Variants in LRRC40 observed in about 807,000 individuals in gnomAD.
LRRC40 encodes the protein leucine-rich repeat-containing protein 40.
A neutral mutation model predicts 72.8 loss-of-function variants in LRRC40; 76 were observed. The observed-to-expected ratio is 1.04, with a 90% confidence interval of 0.87 to 1.26. The LOEUF (loss-of-function observed/expected upper bound fraction) is 1.26. LRRC40 is among the 50% of genes most tolerant of loss of function. The pLI, the probability that LRRC40 is intolerant of heterozygous loss-of-function variation, is 0.00. For synonymous variants in LRRC40, 243 were observed against 254.2 expected, an observed-to-expected ratio of 0.96 and a Z score of 0.42; for missense variants, 684 against 698.9, an observed-to-expected ratio of 0.98 and a Z score of 0.24.
intron 6 of LRRC40, 58 bp downstream of exon 6, chr1:70,178,793 G>T: frequency 8.9e-7 from 1 of 1,122,060 alleles, no homozygotes; most frequent in Non-Finnish European, 1.2e-6. Flanking sequence ...CTTTAAAAAT[G>T]CATTTTAATA....
At chr1:70,151,266 A>G in intron 12 of LRRC40, 61 bp from the exon 13 acceptor site, 1 of 762,852 alleles carries the variant, frequency 1.3e-6, no homozygotes, top group Non-Finnish European at 2.3e-6. Flanking sequence ...AGTTTAATTT[A>G]TAATTAAAAT....
At chr1:70,203,866 C>G (rs938845692) in intron 1 of LRRC40, among the ~76,000 whole-genome samples, 5 of 149,818 alleles carry the variant, frequency 3.3e-5, no homozygotes, top group African/African-American at 1.2e-4. Context: ...TACATACAGC[C>G]AGACAGAGAA....
chr1:70,200,653 T>C (rs1272616692), intron 1 of LRRC40, among the ~76,000 whole-genome samples: 2 of 152,196 alleles, frequency 1.3e-5, no homozygotes, highest in African/African-American at 4.8e-5. Flanking sequence ...TCATTAATCT[T>C]TATTTCCTCT....
rs1667278798 is a variant in LRRC40 at position 70,145,997 on chromosome 1, T to C, written c.1704-92A>G. 46 of 626,410 alleles carry C rather than the reference T, an allele frequency of 7.3e-5. 3 individuals are homozygous for C. The South Asian group carries it at 1.0e-3, about 14-fold the overall frequency. The allele number at this position is 626,410 out of a possible 1,614,324, so 38.8% of individuals were successfully genotyped here. ...TTTGCAATTTTATAAATAAAATTTC[T>C]GTATTTTTTTTCTATTTGCCCCTTT... On this transcript the variant is annotated intron_variant, in intron 14 of 14. Coordinates refer to ENST00000370952, the MANE Select transcript of LRRC40 (RefSeq NM_017768.5).
At chr1:70,201,899 C>A (rs1668749001) in intron 1 of LRRC40, among the ~76,000 whole-genome samples, 2 of 152,126 alleles carry the variant, frequency 1.3e-5, no homozygotes, top group African/African-American at 4.8e-5. Context: ...ATTGCTTGAA[C>A]CTGGGAGGCA....
intron 4 of LRRC40, among the ~76,000 whole-genome samples, chr1:70,184,171 C>A (rs914279323): frequency 6.6e-6 from 1 of 151,962 alleles, no homozygotes; most frequent in Non-Finnish European, 1.5e-5. Context: ...ATCGCTTGAA[C>A]CTGGGAGGTG....
At chr1:70,151,298 T>G in intron 12 of LRRC40, 93 bp from the exon 13 acceptor site, 3 of 664,668 alleles carry the variant, frequency 4.5e-6, no homozygotes, top group Non-Finnish European at 8.2e-6. Context: ...AAAAAAAATA[T>G]GTAGATCAGT....
At chr1:70,146,597 C>T (rs992604050) in intron 14 of LRRC40, among the ~76,000 whole-genome samples, 1 of 152,018 alleles carries the variant, frequency 6.6e-6, no homozygotes, top group African/African-American at 2.4e-5. Context: ...TGATTTGAAC[C>T]ACCCTTTTAT....
Position 70,163,020 on chromosome 1 carries a change from T to C in LRRC40, c.1112-3582A>G, listed in dbSNP as rs181126327. On this transcript the variant is annotated intron_variant, in intron 9 of 14. Coordinates refer to ENST00000370952, the MANE Select transcript of LRRC40 (RefSeq NM_017768.5). ...GTTCACAAGTCTGCAATGGGTCTCA[T>C]TGGGCTAAAATCAGGGGTTTGGCAA... Among the ~76,000 whole-genome samples, 306 of 152,190 alleles carry C rather than the reference T, an allele frequency of 2.0e-3. 1 individual carries two copies. The highest frequency in any genetic ancestry group is 5.7e-3 in the African/African-American group (235 of 41,542).
chr1:70,199,215 T>TCACACACACACACACACA (rs3223615), intron 1 of LRRC40, among the ~76,000 whole-genome samples: 4 of 140,518 alleles, frequency 2.8e-5, no homozygotes, highest in East Asian at 2.1e-4. Context: ...ATACATAGTC[T>TCACACACACACACACACA]CACACACACA....
At chr1:70,202,926 T>C (rs1369387819) in intron 1 of LRRC40, among the ~76,000 whole-genome samples, 2 of 152,234 alleles carry the variant, frequency 1.3e-5, no homozygotes, top group Admixed American at 6.5e-5. Flanking sequence ...GATCTCACTC[T>C]CTTGCCCAAG....
intron 10 of LRRC40, among the ~76,000 whole-genome samples, chr1:70,157,561 A>G (rs1667666841): frequency 6.6e-6 from 1 of 152,214 alleles, no homozygotes; most frequent in Non-Finnish European, 1.5e-5. Context: ...GATTAAAAGC[A>G]ACAGCATATG....
intron 9 of LRRC40, among the ~76,000 whole-genome samples, chr1:70,161,306 G>A (rs992267668): frequency 2.0e-5 from 3 of 151,718 alleles, no homozygotes; most frequent in South Asian, 2.1e-4. Flanking sequence ...GGATGATCTC[G>A]ATCTCCTGAT....
intron 9 of LRRC40, among the ~76,000 whole-genome samples, chr1:70,164,630 G>A (rs1300934150): frequency 2.0e-5 from 3 of 152,056 alleles, no homozygotes; most frequent in Admixed American, 6.5e-5. Context: ...CATATCTCCC[G>A]CCAATAAACT....
In LRRC40 at chr1:70,173,508, T is replaced by C. The variant is rs1337566860; in HGVS notation, c.1068A>G (p.Lys356=). The C allele has an allele frequency of 3.1e-6, 5 of 1,607,748 alleles. No homozygotes were observed. Among genetic ancestry groups the C allele is most frequent in the Non-Finnish European group, 4.3e-6 (5 of 1,174,844 alleles). The change falls in exon 9 of 15, where the codon AAA becomes AAG. Residue 356 remains lysine, a splice_region_variant and synonymous_variant. Coordinates refer to ENST00000370952, the MANE Select transcript of LRRC40 (RefSeq NM_017768.5). ...LRTIRREIIS[K]GTQEVLKYLR... The stretch of plus-strand genomic sequence containing the variant: ...GATATTTTAGGACTTCTTGTGTTCC[T>C]TTCTAGAAGGGTGGAGACAAAGACA...
At position 70,155,778 on chromosome 1, in the gene LRRC40, C is replaced by A; in HGVS notation, c.1239G>T (p.Leu413Phe). 1 of 1,565,202 alleles carries A rather than the reference C, an allele frequency of 6.4e-7. No individual in the cohort carries two copies. The highest frequency in any genetic ancestry group is 1.2e-5 in the South Asian group (1 of 83,834). ...CTGCATCAAACACCTCATCAGGAAT[C>A]AAAGTTGCTTGTTTATCACTAAATG... ...ILDYSDKQAT[L>F]IPDEVFDAVK... Residue 413 changes from leucine (L) to phenylalanine (F), a missense_variant, in exon 11 of 15, where the codon TTG (leucine) becomes TTT (phenylalanine). Transcript: ENST00000370952.
chr1:70,176,323 G>C (rs1668102674), intron 6 of LRRC40, among the ~76,000 whole-genome samples: 3 of 152,006 alleles, frequency 2.0e-5, no homozygotes. Context: ...ACAAGTTCAG[G>C]AGTTTGAGAC....
intron 4 of LRRC40, among the ~76,000 whole-genome samples, chr1:70,182,612 TA>T (rs1466260145): frequency 6.6e-6 from 1 of 151,878 alleles, no homozygotes; most frequent in Non-Finnish European, 1.5e-5. Context: ...AAATTCTACA[TA>T]AAATTACTAA....
In LRRC40 at chr1:70,175,921, T is replaced by C; in HGVS notation, c.866A>G (p.Asn289Ser). The change falls in exon 7 of 15, where the codon AAT becomes AGT. Residue 289 changes from asparagine to serine, a missense_variant. By Grantham distance (46) the Asn-to-Ser change is conservative. Transcript: ENST00000370952. ...CCTCAGGTCTAGCACAAGAATTGAA[T>C]TCAGATGTTTAAGATGTTCTGCCTC... ...MLEAEHLKHL[N>S]SILVLDLRDN... is the part of the protein sequence containing the mutation. 1.9e-6 allele frequency: 3 copies of C among 1,599,440 alleles called. No individual in the cohort carries two copies. The South Asian group carries it at 3.4e-5, about 18-fold the overall frequency.
Sources: gnomAD v4.1 joint callset for allele counts (sites outside exome capture counted in the v4.1 genomes callset) on GRCh38, gnomAD v4.1.1 for gene constraint, MANE v1.5 for transcripts, NCBI Gene and HGNC (gene_info 2026-07-23, HGNC 2026-07-21) for gene names.